DPP10: variants seen among roughly 807,000 people sequenced by gnomAD.
DPP10 encodes the protein dipeptidyl peptidase like 10, also known as inactive dipeptidyl peptidase 10.
Under a neutral mutation model 120.9 loss-of-function variants are expected in DPP10, and 33 were observed. The observed-to-expected ratio is 0.27, with a 90% CI of 0.21 to 0.37. The LOEUF (loss-of-function observed/expected upper bound fraction) is 0.37. Among genes scored for constraint, DPP10 ranks in the 10% least tolerant of loss-of-function variants. DPP10 has a pLI of 1.00. For missense variants in DPP10, 816 were observed against 942.8 expected (o/e 0.87, Z 1.76); for synonymous variants, 337 against 326.1 (o/e 1.03, Z -0.36).
chr2:114,535,965 A>G (rs1240754945), intron 1 of DPP10, among the ~76,000 whole-genome samples: 1 of 152,034 alleles, frequency 6.6e-6, no homozygotes, highest in Non-Finnish European at 1.5e-5. Context: ...GTGCCCTTAC[A>G]CATGCTGCTC....
chr2:115,649,863 T>G (rs751689062), intron 5 of DPP10, among the ~76,000 whole-genome samples: 1 of 152,124 alleles, frequency 6.6e-6, no homozygotes, highest in Non-Finnish European at 1.5e-5. Flanking sequence ...CCACCAGACA[T>G]TCTCTCTACA....
rs895936517 is a variant in DPP10, at chr2:115,266,865, G to A, written c.61-42374G>A. Among the ~76,000 whole-genome samples the A allele has an allele frequency of 5.3e-5, 8 of 152,242 alleles. No individual in the cohort carries two copies. In the South Asian group the frequency reaches 1.7e-3, roughly 32 times the overall value. On this transcript the variant is annotated intron_variant, in intron 1 of 25. Coordinates refer to ENST00000410059, the MANE Select transcript of DPP10 (RefSeq NM_020868.6). ...TATCCTTATACGGTATTTTGCAGAG[G>A]GTATAAGCAAAAGCTCTTGTGATTT... is the stretch of plus-strand genomic sequence containing the variant.
chr2:114,551,214 C>T (rs1295526348), intron 1 of DPP10, among the ~76,000 whole-genome samples: 1 of 152,184 alleles, frequency 6.6e-6, no homozygotes, highest in African/African-American at 2.4e-5. Flanking sequence ...CTAAGCCTTC[C>T]TTAACTGTGT....
chr2:114,749,428 C>A (rs1678971389), intron 1 of DPP10, among the ~76,000 whole-genome samples: 1 of 152,052 alleles, frequency 6.6e-6, no homozygotes, highest in Non-Finnish European at 1.5e-5. Context: ...TCACCAGCAC[C>A]TTTCTTGCCC....
intron 3 of DPP10, among the ~76,000 whole-genome samples, chr2:115,426,874 C>T (rs1228866611): frequency 2.0e-5 from 3 of 152,162 alleles, no homozygotes; most frequent in Non-Finnish European, 4.4e-5. Context: ...AGTTTAAAAT[C>T]TCATCTGAGA....
chr2:115,049,524 T>C (rs1705312345), intron 1 of DPP10, among the ~76,000 whole-genome samples: 2 of 152,202 alleles, frequency 1.3e-5, no homozygotes, highest in South Asian at 4.1e-4. Flanking sequence ...GGCAAGATGT[T>C]GAAAATTATT....
At chr2:115,518,658 A>G (rs1677109831) in intron 4 of DPP10, among the ~76,000 whole-genome samples, 1 of 152,048 alleles carries the variant, frequency 6.6e-6, no homozygotes, top group Non-Finnish European at 1.5e-5. Flanking sequence ...AATAATAATT[A>G]TATTATTTTT....
intron 1 of DPP10, among the ~76,000 whole-genome samples, chr2:114,716,073 G>A (rs72830370): frequency 2.0e-3 from 305 of 149,892 alleles, no homozygotes; most frequent in Non-Finnish European, 3.8e-3. Flanking sequence ...AAAAACAAAC[G>A]CACTTAAGAC....
chr2:115,752,583 C>T (rs979371531), intron 10 of DPP10, among the ~76,000 whole-genome samples: 27 of 152,224 alleles, frequency 1.8e-4, no homozygotes, highest in African/African-American at 6.0e-4. Flanking sequence ...TGGGACTGGT[C>T]CTTGGTCTAC....
At chr2:114,759,807 G>A (rs1680116205) in intron 1 of DPP10, among the ~76,000 whole-genome samples, 1 of 151,422 alleles carries the variant, frequency 6.6e-6, no homozygotes, top group Admixed American at 6.6e-5. Context: ...TGGTGGGGGT[G>A]GGCAGTGATG....
intron 1 of DPP10, among the ~76,000 whole-genome samples, chr2:114,732,923 T>C (rs1037611006): frequency 6.6e-6 from 1 of 152,150 alleles, no homozygotes; most frequent in Admixed American, 6.5e-5. Flanking sequence ...AAAACTGGTA[T>C]GAGTTAGAGC....
At chr2:115,180,539 A>G (rs1035308805) in intron 1 of DPP10, among the ~76,000 whole-genome samples, 3 of 152,172 alleles carry the variant, frequency 2.0e-5, no homozygotes, top group Non-Finnish European at 4.4e-5. Flanking sequence ...TTACGGTGAT[A>G]TAGGGAAGTT....
At chr2:115,463,305 C>T (rs886477384) in intron 3 of DPP10, among the ~76,000 whole-genome samples, 16 of 152,268 alleles carry the variant, frequency 1.1e-4, no homozygotes, top group African/African-American at 3.4e-4. Flanking sequence ...AACACCAAAT[C>T]CTTGACAAGT....
chr2:114,831,809 T>C (rs950935344), intron 1 of DPP10, among the ~76,000 whole-genome samples: 17 of 149,642 alleles, frequency 1.1e-4, no homozygotes, highest in Non-Finnish European at 2.1e-4. Context: ...ACTGGTTATG[T>C]GTCTATATAA....
chr2:115,349,476 C>G (rs924507178), intron 3 of DPP10, among the ~76,000 whole-genome samples: 1 of 152,004 alleles, frequency 6.6e-6, no homozygotes, highest in Non-Finnish European at 1.5e-5. Flanking sequence ...AAGAAAAAAA[C>G]TATAAATGAA....
intron 1 of DPP10, among the ~76,000 whole-genome samples, chr2:115,227,873 G>A (rs1169992272): frequency 1.3e-5 from 2 of 149,200 alleles, no homozygotes; most frequent in African/African-American, 4.9e-5. Context: ...AATTTTGTGG[G>A]TACATAATAG....
intron 2 of DPP10, among the ~76,000 whole-genome samples, chr2:115,309,702 A>G (rs2061503110): frequency 6.6e-6 from 1 of 152,072 alleles, no homozygotes; most frequent in Non-Finnish European, 1.5e-5. Context: ...TGGCATCTGG[A>G]AGTTTCTATA....
chr2:115,779,994 T>C (rs1682558027), intron 15 of DPP10, among the ~76,000 whole-genome samples: 1 of 151,940 alleles, frequency 6.6e-6, no homozygotes, highest in Non-Finnish European at 1.5e-5. Flanking sequence ...TACAGCGTAT[T>C]GCACATCAAA....
At chr2:115,241,053 G>A (rs544388002) in intron 1 of DPP10, among the ~76,000 whole-genome samples, 25 of 152,064 alleles carry the variant, frequency 1.6e-4, no homozygotes, top group Non-Finnish European at 3.2e-4. Context: ...GGCAGATCAC[G>A]AGGTCAGGAG....
Sources: gnomAD v4.1 joint callset for allele counts (sites outside exome capture counted in the v4.1 genomes callset) on GRCh38, gnomAD v4.1.1 for gene constraint, MANE v1.5 for transcripts, NCBI Gene and HGNC (gene_info 2026-07-23, HGNC 2026-07-21) for gene names.